TBC1D24: variants seen among roughly 807,000 people sequenced by gnomAD.
TBC1D24 encodes Infantile myoclonic epilepsy.
Under a neutral mutation model 50.7 loss-of-function variants are expected in TBC1D24, and 47 were observed. That is an observed-to-expected ratio of 0.93 (90% CI 0.73 to 1.18). The LOEUF is 1.18. Ranked by LOEUF, TBC1D24 falls within the 50% of genes most tolerant of loss-of-function variation. TBC1D24 has a pLI of 0.00. For synonymous variants in TBC1D24, 324 were observed against 335.2 expected, an observed-to-expected ratio of 0.97 and a Z score of 0.36; for missense variants, 688 against 766.5, an observed-to-expected ratio of 0.90 and a Z score of 1.21.
chr16:2,497,059 A>T lies in TBC1D24; in HGVS notation c.911A>T (p.Gln304Leu). Residue 304 changes from glutamine to leucine, a missense_variant, in exon 2 of 8, where the codon CAG becomes CTG. By Grantham distance (113) the Gln-to-Leu change is moderately radical. Coordinates refer to ENST00000646147, the MANE Select transcript of TBC1D24 (RefSeq NM_001199107.2). Reference protein sequence around the residue: ...LFSRKEIQLLQMANEKALKQK... With the variant: ...LFSRKEIQLLLMANEKALKQK... The stretch of plus-strand genomic sequence containing the variant: ...TCCCGCAAGGAGATCCAGCTCCTGC[A>T]GATGGCCAATGAGAAAGCCCTGAAG... The T allele has an allele frequency of 6.2e-7, 1 of 1,612,170 alleles. No homozygotes were observed.
chr16:2,498,177 G>T, intron 3 of TBC1D24, 61 bp from the exon 4 acceptor site: 1 of 1,540,174 alleles, frequency 6.5e-7, no homozygotes, highest in Non-Finnish European at 8.8e-7. Context: ...GGCATACCTC[G>T]GGGGGCATGG....
Position 2,483,861 on chromosome 16 carries a change from TA to T in TBC1D24, c.-116+8695del. On this transcript the variant is annotated intron_variant, in intron 1 of 7. Transcript: ENST00000646147. The surrounding 1 kb of genome is among the most constrained non-coding windows in gnomAD (Gnocchi z 4.0). ...GCAGGCTGGGAGCAGGGGCCGGGGGTAAAAGGCAGATAGCAAGGTAAGGAGG... is the reference window on the plus strand; with the variant it reads ...GCAGGCTGGGAGCAGGGGCCGGGGGTAAAGGCAGATAGCAAGGTAAGGAGG... 6.6e-6 allele frequency: 1 copy of T among 151,986 alleles called. No individual in the cohort carries two copies. Among genetic ancestry groups the T allele is most frequent in the Non-Finnish European group, 1.5e-5 (1 of 68,178 alleles). The allele number at this position is 151,986 out of a possible 1,614,324, so 9.4% of individuals were successfully genotyped here.
Position 2,496,818 on chromosome 16 carries a change from T to C in TBC1D24, c.670T>C (p.Tyr224His), listed in dbSNP as rs781113681. Reference sequence around the variant, plus strand: ...GCTGTTTGGGGAGCTGCCCCTCTGCTACTTCGCCCGGGTCTTTGACGTCTT... The same window carrying C: ...GCTGTTTGGGGAGCTGCCCCTCTGCCACTTCGCCCGGGTCTTTGACGTCTT... ...RWLFGELPLC[Y>H]FARVFDVFLV... The change falls in exon 2 of 8, where the codon TAC becomes CAC. Residue 224 changes from tyrosine to histidine, a missense_variant. By Grantham distance (83) the Tyr-to-His change is moderately conservative (BLOSUM62 2). Coordinates refer to ENST00000646147, the MANE Select transcript of TBC1D24 (RefSeq NM_001199107.2). 2.5e-6 allele frequency: 4 copies of C among 1,613,950 alleles called. No homozygotes were observed. In the East Asian group the frequency reaches 6.7e-5, roughly 27 times the overall value.
Position 2,496,315 on chromosome 16 carries a change from A to T in TBC1D24, c.167A>T (p.Gln56Leu), listed in dbSNP as rs2141870903. Reference protein sequence around the residue: ...QSHALRGKVYQRLIRDIPCRT... With the variant: ...QSHALRGKVYLRLIRDIPCRT... ...CACGCCCTGCGGGGAAAGGTGTACC[A>T]GCGCCTGATCCGGGACATTCCCTGC... Residue 56 changes from glutamine (Q) to leucine (L), a missense_variant, in exon 2 of 8, where the codon CAG (glutamine) becomes CTG (leucine). Coordinates refer to ENST00000646147, the MANE Select transcript of TBC1D24 (RefSeq NM_001199107.2). 6.2e-7 allele frequency: 1 copy of T among 1,613,626 alleles called. No homozygotes were observed. Among genetic ancestry groups the T allele is most frequent in the Non-Finnish European group, 8.5e-7 (1 of 1,180,020 alleles).
chr16:2,484,924 C>G (rs1428763431), intron 1 of TBC1D24: 1 of 152,418 alleles, frequency 6.6e-6, no homozygotes, highest in Non-Finnish European at 1.5e-5. Flanking sequence ...GGAAGGTCCC[C>G]CAGCCGGAGG....
chr16:2,491,805 G>A (rs570305706), intron 1 of TBC1D24, among the ~76,000 whole-genome samples: 77 of 151,384 alleles, frequency 5.1e-4, no homozygotes, highest in East Asian at 7.8e-4. Flanking sequence ...CACCTGCCTC[G>A]GCCTCCCAAA....
chr16:2,489,868 C>T (rs982855509), intron 1 of TBC1D24, among the ~76,000 whole-genome samples: 1 of 152,346 alleles, frequency 6.6e-6, no homozygotes, highest in Non-Finnish European at 1.5e-5. Context: ...CAGTAAATCC[C>T]GCAACAGAAC....
chr16:2,500,712 C>G lies in TBC1D24; in HGVS notation c.1526-92C>G, dbSNP rs536578965. On this transcript the variant is annotated intron_variant, in intron 7 of 7. Transcript: ENST00000646147. The surrounding 1 kb of genome is among the most constrained non-coding windows in gnomAD (Gnocchi z 8.0). The stretch of plus-strand genomic sequence containing the variant: ...CGGTCTGTGCGGTTTCAGAGAGGCC[C>G]GTGCAGGGCAGGACAGCTGGGACAG... The G allele has an allele frequency of 5.4e-6, 8 of 1,490,206 alleles. No homozygotes were observed. Among genetic ancestry groups the G allele is most frequent in the South Asian group, 5.1e-5 (4 of 78,802 alleles). The allele number at this position is 1,490,206 out of a possible 1,614,324, so 92.3% of individuals were successfully genotyped here.
At position 2,486,643 on chromosome 16, in the gene TBC1D24, G is replaced by C. The variant is rs530023606; in HGVS notation, c.-115-9391G>C. Among the ~76,000 whole-genome samples the C allele has an allele frequency of 6.6e-6, 1 of 152,330 alleles. No homozygotes were observed. The highest frequency in any genetic ancestry group is 2.1e-4 in the South Asian group (1 of 4,830). On this transcript the variant is annotated intron_variant, in intron 1 of 7. Transcript: ENST00000646147. This position sits in a 1 kb window ranked among gnomAD's most constrained non-coding sequence, Gnocchi z 5.8. ...CCAGGGGGCTGCAGTTGGCCCCTTG[G>C]TGGCATCTGGGAGTGTGTGGGAGTG... is the stretch of plus-strand genomic sequence containing the variant.
At chr16:2,498,096 C>T (rs1596970142) in intron 3 of TBC1D24, 142 bp from the exon 4 acceptor site, 2 of 1,115,404 alleles carry the variant, frequency 1.8e-6, no homozygotes, top group East Asian at 5.2e-5. Context: ...CACCTAGAAC[C>T]CGGCCCTAAA....
Position 2,499,708 on chromosome 16 carries a change from G to C in TBC1D24, c.1207-127G>C, listed in dbSNP as rs2065774176. 14 of 880,922 alleles carry C rather than the reference G, an allele frequency of 1.6e-5. No homozygotes were observed. The highest frequency in any genetic ancestry group is 7.7e-6 in the Non-Finnish European group (4 of 516,340). 54.6% of individuals were successfully genotyped at this position (880,922 alleles called of 1,614,324 possible). The stretch of plus-strand genomic sequence containing the variant: ...CTTTCCCACACCACTCCTGCCCTGG[G>C]GTGGGGGTGGGAGACGGCAATGCCT... On this transcript the variant is annotated intron_variant, in intron 5 of 7. Transcript: ENST00000646147. The surrounding 1 kb of genome is among the most constrained non-coding windows in gnomAD (Gnocchi z 4.0).
In TBC1D24 at chr16:2,483,102, G is replaced by A. The variant is rs1173921302; in HGVS notation, c.-116+7932G>A. On this transcript the variant is annotated intron_variant, in intron 1 of 7. Coordinates refer to ENST00000646147, the MANE Select transcript of TBC1D24 (RefSeq NM_001199107.2). The surrounding 1 kb of genome is among the most constrained non-coding windows in gnomAD (Gnocchi z 4.0). ...TCCCCAGGAGGTGAGAGCCAGGACTGAGGGGGGGCCTTGGTCTGTGGTGGG... is the reference window on the plus strand; with the variant it reads ...TCCCCAGGAGGTGAGAGCCAGGACTAAGGGGGGGCCTTGGTCTGTGGTGGG... 2 of 152,998 alleles carry A rather than the reference G, an allele frequency of 1.3e-5. No individual in the cohort carries two copies. Among genetic ancestry groups the A allele is most frequent in the Non-Finnish European group, 2.9e-5 (2 of 68,590 alleles). 9.5% of individuals were successfully genotyped at this position (152,998 alleles called of 1,614,324 possible).
chr16:2,500,637 A>G lies in TBC1D24; in HGVS notation c.1525+147A>G. On this transcript the variant is annotated intron_variant, in intron 7 of 7. Transcript: ENST00000646147. This position sits in a 1 kb window ranked among gnomAD's most constrained non-coding sequence, Gnocchi z 8.0. ...GGCATGATGGGTGGGAGGGGGCTGG[A>G]AGGGAGAGACCAGCCTGGACAGCTG... 1 of 1,295,100 alleles carries G rather than the reference A, an allele frequency of 7.7e-7. No homozygotes were observed. The highest frequency in any genetic ancestry group is 1.4e-5 in the South Asian group (1 of 70,108). The allele number at this position is 1,295,100 out of a possible 1,614,324, so 80.2% of individuals were successfully genotyped here.
chr16:2,476,048 C>T (rs2065565542), intron 1 of TBC1D24, among the ~76,000 whole-genome samples: 1 of 152,192 alleles, frequency 6.6e-6, no homozygotes, highest in African/African-American at 2.4e-5. Flanking sequence ...TACCCAGCAG[C>T]TTATTCCAGA....
rs1249260928 is a variant in TBC1D24 at position 2,475,209 on chromosome 16, G to T, written c.-116+39G>T. The T allele has an allele frequency of 6.7e-6, 1 of 149,202 alleles. No individual in the cohort carries two copies. The highest frequency in any genetic ancestry group is 1.8e-4 in the South Asian group (1 of 5,532). The allele number at this position is 149,202 out of a possible 1,614,324, so 9.2% of individuals were successfully genotyped here. On this transcript the variant is annotated intron_variant, in intron 1 of 7. Coordinates refer to ENST00000646147, the MANE Select transcript of TBC1D24 (RefSeq NM_001199107.2). This position sits in a 1 kb window ranked among gnomAD's most constrained non-coding sequence, Gnocchi z 4.2. Reference sequence around the variant, plus strand: ...GGGCGTGCGGGGGGCGCGCGGCGGGGTGGCGGGTGGCGGGGCCGGGTCCCC... The same window carrying T: ...GGGCGTGCGGGGGGCGCGCGGCGGGTTGGCGGGTGGCGGGGCCGGGTCCCC...
intron 1 of TBC1D24, among the ~76,000 whole-genome samples, chr16:2,488,622 C>T (rs1596960882): frequency 6.6e-6 from 1 of 150,606 alleles, no homozygotes; most frequent in Admixed American, 6.6e-5. Flanking sequence ...CACTACTCTC[C>T]TGCCTTAGCC....
rs528576361 is a variant in TBC1D24, at chr16:2,480,829, C to T, written c.-116+5659C>T. The T allele has an allele frequency of 2.6e-5, 4 of 152,416 alleles. No individual in the cohort carries two copies. In the East Asian group the frequency reaches 5.8e-4, roughly 22 times the overall value. 9.4% of individuals were successfully genotyped at this position (152,416 alleles called of 1,614,324 possible). A position where few individuals can be genotyped will look rare whatever the true frequency, so the allele number is the denominator to read the frequency against. ...TCCTGGGCTGTCCTCTCCATGTTCC[C>T]AGCACTCAGGGGCACTGTCCTTTCC... On this transcript the variant is annotated intron_variant, in intron 1 of 7. Coordinates refer to ENST00000646147, the MANE Select transcript of TBC1D24 (RefSeq NM_001199107.2).
chr16:2,497,146 C>T (rs2065750664), intron 2 of TBC1D24, 33 bp downstream of exon 2: 1 of 1,598,670 alleles, frequency 6.3e-7, no homozygotes, highest in Admixed American at 1.7e-5. Flanking sequence ...GGGGTACACC[C>T]AGGGTCGGGG....
chr16:2,497,647 C>A, intron 2 of TBC1D24, 63 bp from the exon 3 acceptor site: 2 of 1,504,288 alleles, frequency 1.3e-6, no homozygotes, highest in Non-Finnish European at 1.8e-6. Context: ...GGTACTCACA[C>A]TAACCTCTCT....
Sources: gnomAD v4.1 joint callset for allele counts (sites outside exome capture counted in the v4.1 genomes callset) on GRCh38, gnomAD v4.1.1 for gene constraint, Gnocchi (gnomAD v3.1) non-coding constraint, MANE v1.5 for transcripts, NCBI Gene and HGNC (gene_info 2026-07-23, HGNC 2026-07-21) for gene names.